The following TMEM87B variants were observed in gnomAD, a reference collection of about 807,000 sequenced individuals.
TMEM87B encodes the protein transmembrane protein 87B.
In TMEM87B, 83 loss-of-function variants were observed where a neutral mutation model predicts 80.3. The observed-to-expected ratio is 1.03, with a 90% CI of 0.87 to 1.24. The LOEUF is 1.24. Among genes scored for constraint, TMEM87B ranks in the 50% most tolerant of loss-of-function variants. TMEM87B has a pLI of 0.00. For missense variants in TMEM87B, 625 were observed against 674.4 expected, an observed-to-expected ratio of 0.93 and a Z score of 0.81; for synonymous variants, 219 against 230.5, an observed-to-expected ratio of 0.95 and a Z score of 0.45.
chr2:112,077,991 G>T (rs1166145909), intron 6 of TMEM87B, among the ~76,000 whole-genome samples: 1 of 152,222 alleles, frequency 6.6e-6, no homozygotes, highest in Non-Finnish European at 1.5e-5. Flanking sequence ...CAGCCAGTCA[G>T]CTGGCAGAAA....
chr2:112,107,300 G>A (rs940161811), intron 16 of TMEM87B, among the ~76,000 whole-genome samples: 2 of 149,166 alleles, frequency 1.3e-5, no homozygotes, highest in Non-Finnish European at 3.0e-5. Context: ...AGAGGTTGCA[G>A]TGAGCCAAGA....
intron 1 of TMEM87B, among the ~76,000 whole-genome samples, chr2:112,057,887 G>GCA (rs530149928): frequency 6.0e-5 from 9 of 150,880 alleles, no homozygotes; most frequent in Non-Finnish European, 1.3e-4. Flanking sequence ...GAGTGCAGTG[G>GCA]CACAATCTTG....
chr2:112,099,019 T>A (rs565672574), intron 14 of TMEM87B, among the ~76,000 whole-genome samples: 1 of 152,258 alleles, frequency 6.6e-6, no homozygotes, highest in Admixed American at 6.5e-5. Flanking sequence ...ATGAGATACT[T>A]TGGAGGCCAG....
chr2:112,080,982 C>G, intron 6 of TMEM87B, 75 bp from the exon 7 acceptor site: 1 of 1,308,496 alleles, frequency 7.6e-7, no homozygotes. Context: ...ATTCTTGGAG[C>G]CTTCTGGGAA....
chr2:112,093,836 C>T (rs529350788), intron 11 of TMEM87B, among the ~76,000 whole-genome samples: 1 of 152,296 alleles, frequency 6.6e-6, no homozygotes, highest in African/African-American at 2.4e-5. Flanking sequence ...TAAGGGGACT[C>T]TCCTGCCTTG....
Position 112,098,622 on chromosome 2 carries a change from G to A in TMEM87B, c.1300G>A (p.Ala434Thr). The change falls in exon 14 of 19, where the codon GCA becomes ACA. Residue 434 changes from alanine to threonine, a missense_variant. Coordinates refer to ENST00000283206, the MANE Select transcript of TMEM87B (RefSeq NM_032824.3). The stretch of plus-strand genomic sequence containing the variant: ...TTGGATGGAACGCTGGGTTGACGAT[G>A]CATTTTGGAGCTTCCTTTTTTCGCT... ...SDWMERWVDD[A>T]FWSFLFSLIL... 6.2e-7 allele frequency: 1 copy of A among 1,614,118 alleles called. No individual in the cohort carries two copies. The highest frequency in any genetic ancestry group is 8.5e-7 in the Non-Finnish European group (1 of 1,180,016).
Position 112,077,267 on chromosome 2 carries a change from A to G in TMEM87B, c.577A>G (p.Ser193Gly). ...TATTAAAACGGAGAATACAGATGCAAGCTGGAATTTGAATGGTATAGTTAA... is the reference window on the plus strand; with the variant it reads ...TATTAAAACGGAGAATACAGATGCAGGCTGGAATTTGAATGGTATAGTTAA... ...VSIKTENTDA[S>G]WNLNVSLSMI... Residue 193 changes from serine to glycine, a missense_variant, in exon 6 of 19, where the codon AGC becomes GGC. By Grantham distance (56) the Ser-to-Gly change is moderately conservative. Transcript: ENST00000283206. 6.3e-7 allele frequency: 1 copy of G among 1,581,664 alleles called. No homozygotes were observed. Among genetic ancestry groups the G allele is most frequent in the South Asian group, 1.2e-5 (1 of 85,922 alleles).
rs769768569 is a variant in TMEM87B, at chr2:112,097,115, T to C, written c.1176T>C (p.Tyr392=). The C allele has an allele frequency of 4.3e-6, 7 of 1,609,726 alleles. No individual in the cohort carries two copies. The South Asian group carries it at 6.7e-5, about 15-fold the overall frequency. Reference sequence around the variant, plus strand: ...AGAACACTGTGAAATTTTCATTATATAGACATTTTAAAAATACTCTGATCT... The same window carrying C: ...AGAACACTGTGAAATTTTCATTATACAGACATTTTAAAAATACTCTGATCT... ...LRKNTVKFSL[Y]RHFKNTLIFA... Residue 392 remains tyrosine, a synonymous_variant, in exon 12 of 19, where the codon TAT becomes TAC. Coordinates refer to ENST00000283206, the MANE Select transcript of TMEM87B (RefSeq NM_032824.3).
intron 9 of TMEM87B, among the ~76,000 whole-genome samples, chr2:112,089,052 C>T (rs1311340094): frequency 1.3e-5 from 2 of 152,130 alleles, no homozygotes; most frequent in African/African-American, 4.8e-5. Context: ...TGAGCCACTG[C>T]GCCTCGCCCA....
In TMEM87B at chr2:112,067,074, A is replaced by T; in HGVS notation, c.450+7A>T. ...GGTGTTTCCCTCTTTGAATGTGAGT[A>T]TCTGACTTGCCATGTTAAAGTTTAT... On this transcript the variant is annotated splice_region_variant and intron_variant, in intron 4 of 18. Coordinates refer to ENST00000283206, the MANE Select transcript of TMEM87B (RefSeq NM_032824.3). 1 of 1,608,150 alleles carries T rather than the reference A, an allele frequency of 6.2e-7. No homozygotes were observed. Among genetic ancestry groups the T allele is most frequent in the African/African-American group, 1.3e-5 (1 of 74,764 alleles).
At chr2:112,111,329 A>C (rs1217375653) in intron 17 of TMEM87B, among the ~76,000 whole-genome samples, 4 of 152,340 alleles carry the variant, frequency 2.6e-5, no homozygotes, top group South Asian at 4.1e-4. Flanking sequence ...CTACTGTGCC[A>C]TCACTTCTTG....
At chr2:112,095,061 G>A (rs1679417564) in intron 11 of TMEM87B, among the ~76,000 whole-genome samples, 1 of 150,992 alleles carries the variant, frequency 6.6e-6, no homozygotes, top group South Asian at 2.1e-4. Context: ...AAAAAAAATA[G>A]GCTGAAAAAT....
At position 112,059,961 on chromosome 2, in the gene TMEM87B, T is replaced by G; in HGVS notation, c.166-16T>G. On this transcript the variant is annotated splice_polypyrimidine_tract_variant and intron_variant, in intron 1 of 18. Transcript: ENST00000283206. ...ACTTTCTAACAAGATCTTCCTGTGT[T>G]TGTTTTTCATTTTAGAAATCAGGAC... The G allele has an allele frequency of 1.9e-6, 3 of 1,593,644 alleles. No homozygotes were observed. The highest frequency in any genetic ancestry group is 2.6e-6 in the Non-Finnish European group (3 of 1,167,096).
intron 10 of TMEM87B, among the ~76,000 whole-genome samples, chr2:112,090,173 G>C (rs1266752243): frequency 2.0e-5 from 3 of 152,110 alleles, no homozygotes; most frequent in African/African-American, 7.2e-5. Context: ...TTGGGGACTA[G>C]CTATTTTGAG....
In TMEM87B at chr2:112,056,107, G is replaced by A. The variant is rs561567999; in HGVS notation, c.165+351G>A. On this transcript the variant is annotated intron_variant, in intron 1 of 18. Transcript: ENST00000283206. The stretch of plus-strand genomic sequence containing the variant: ...TCTCGGCACATCTAGCAGCATCTTT[G>A]GGATTCGACTCTTCCTGTCCGGATG... Among the ~76,000 whole-genome samples the A allele has an allele frequency of 2.6e-5, 4 of 152,224 alleles. No individual in the cohort carries two copies. The East Asian group carries it at 7.7e-4, about 29-fold the overall frequency.
chr2:112,113,482 G>A (rs1027877142), intron 18 of TMEM87B, among the ~76,000 whole-genome samples: 6 of 152,188 alleles, frequency 3.9e-5, no homozygotes, highest in African/African-American at 1.4e-4. Flanking sequence ...TATGGTGGCT[G>A]TAGCACATAA....
rs914248294 is a variant in TMEM87B at position 112,055,848 on chromosome 2, C to T, written c.165+92C>T. ...TTGACCCCGGGCTTGTTCACCCTGC[C>T]TCTGCCGGGTCAGCACCGGGTCCCC... is the stretch of plus-strand genomic sequence containing the variant. On this transcript the variant is annotated intron_variant, in intron 1 of 18. Coordinates refer to ENST00000283206, the MANE Select transcript of TMEM87B (RefSeq NM_032824.3). 1.4e-5 allele frequency: 20 copies of T among 1,379,318 alleles called. 1 individual carries two copies. The highest frequency in any genetic ancestry group is 4.9e-5 in the South Asian group (3 of 61,670). 85.4% of individuals were successfully genotyped at this position (1,379,318 alleles called of 1,614,324 possible). A position where few individuals can be genotyped will look rare whatever the true frequency, so the allele number is the denominator to read the frequency against.
In TMEM87B at chr2:112,086,041, CGATT is replaced by C; in HGVS notation, c.876_879del (p.Ile293ArgfsTer9). 6.2e-7 allele frequency: 1 copy of C among 1,614,092 alleles called. No homozygotes were observed. The highest frequency in any genetic ancestry group is 1.1e-5 in the South Asian group (1 of 91,070). On this transcript the variant is annotated frameshift_variant, in exon 9 of 19. Coordinates refer to ENST00000283206, the MANE Select transcript of TMEM87B (RefSeq NM_032824.3). LOFTEE classifies it high-confidence loss of function. ...TTGATATTTGCGGAGTTGATTTCTG[CGATT>C]AAGAGGACGTTGGCTCGCCTTCTCG...
chr2:112,081,202 A>C, intron 7 of TMEM87B, 84 bp downstream of exon 7: 1 of 1,467,092 alleles, frequency 6.8e-7, no homozygotes, highest in Non-Finnish European at 9.5e-7. Context: ...CTCAGTAGTT[A>C]ATGCTTTGAC....
Sources: allele counts gnomAD v4.1 joint callset (sites outside exome capture counted in the v4.1 genomes callset), GRCh38; gene constraint gnomAD v4.1.1; transcripts MANE v1.5; gene names NCBI Gene and HGNC (gene_info 2026-07-23, HGNC 2026-07-21).